The following CC2D1A variants were observed in gnomAD, a reference collection of about 807,000 sequenced individuals.
CC2D1A encodes coiled-coil and C2 domain containing 1A, also known as coiled-coil and C2 domain-containing protein 1A.
Under a neutral mutation model 123.8 loss-of-function variants are expected in CC2D1A, and 68 were observed. The observed-to-expected ratio is 0.55, with a 90% CI of 0.45 to 0.67. The LOEUF is 0.67. Ranked by LOEUF, CC2D1A falls within the 30% of genes least tolerant of loss-of-function variation. The probability of loss-of-function intolerance (pLI) is 0.00; values close to 1 mark genes in which losing one functional copy is unlikely to be tolerated. For synonymous variants in CC2D1A, 477 were observed against 528.0 expected, an observed-to-expected ratio of 0.90 and a Z score of 1.32; for missense variants, 1,185 against 1,290.3, an observed-to-expected ratio of 0.92 and a Z score of 1.25.
rs1413915499 is a variant in CC2D1A, at chr19:13,906,519, G to T, written c.60+18G>T. On this transcript the variant is annotated intron_variant, in intron 1 of 28. Coordinates refer to ENST00000318003, the MANE Select transcript of CC2D1A (RefSeq NM_017721.5). The surrounding 1 kb of genome is among the most constrained non-coding windows in gnomAD (Gnocchi z 4.1). Reference sequence around the variant, plus strand: ...CCCGCCAGGTGAGTTTGCGCCCCACGGCCCGACCTGGGGATCCCTCCCCAC... The same window carrying T: ...CCCGCCAGGTGAGTTTGCGCCCCACTGCCCGACCTGGGGATCCCTCCCCAC... 1.4e-6 allele frequency: 2 copies of T among 1,466,100 alleles called. No individual in the cohort carries two copies. The highest frequency in any genetic ancestry group is 1.8e-6 in the Non-Finnish European group (2 of 1,111,836). The allele number at this position is 1,466,100 out of a possible 1,614,324, so 90.8% of individuals were successfully genotyped here. A position where few individuals can be genotyped will look rare whatever the true frequency, so the allele number is the denominator to read the frequency against.
chr19:13,923,873 G>T lies in CC2D1A; in HGVS notation c.1940+62G>T. ...AGTGGCCCTTTGGTGGCGGTGGGGC[G>T]GGTTGTGCTCCCCAGAAGCTGGCAC... On this transcript the variant is annotated intron_variant, in intron 17 of 28. Coordinates refer to ENST00000318003, the MANE Select transcript of CC2D1A (RefSeq NM_017721.5). This position sits in a 1 kb window ranked among gnomAD's most constrained non-coding sequence, Gnocchi z 5.3. 1.6e-6 allele frequency: 2 copies of T among 1,265,420 alleles called. No individual in the cohort carries two copies. The highest frequency in any genetic ancestry group is 1.5e-5 in the African/African-American group (1 of 68,100). The allele number at this position is 1,265,420 out of a possible 1,614,324, so 78.4% of individuals were successfully genotyped here.
chr19:13,918,418 G>T, intron 7 of CC2D1A, 86 bp from the exon 8 acceptor site: 1 of 1,327,686 alleles, frequency 7.5e-7, no homozygotes, highest in South Asian at 1.4e-5. Context: ...AGAAGTCCTC[G>T]GTGGCATGGA....
Position 13,923,349 on chromosome 19 carries a change from T to G in CC2D1A, c.1658T>G (p.Val553Gly). Reference protein sequence around the residue: ...VDITKVPPAPVNKDDFALVQR... With the variant: ...VDITKVPPAPGNKDDFALVQR... ...CCTCCCCAGGTGCCGCCTGCCCCTG[T>G]CAACAAGGACGACTTTGCCCTGGTC... Residue 553 changes from valine to glycine, a missense_variant, in exon 15 of 29, where the codon GTC (valine) becomes GGC (glycine). By Grantham distance (109) the Val-to-Gly change is moderately radical (BLOSUM62 -3). Coordinates refer to ENST00000318003, the MANE Select transcript of CC2D1A (RefSeq NM_017721.5). The surrounding 1 kb of genome is among the most constrained non-coding windows in gnomAD (Gnocchi z 5.3). 1 of 1,609,108 alleles carries G rather than the reference T, an allele frequency of 6.2e-7. No homozygotes were observed. Among genetic ancestry groups the G allele is most frequent in the South Asian group, 1.1e-5 (1 of 91,020 alleles).
At chr19:13,912,748 G>A (rs1167541975) in intron 4 of CC2D1A, among the ~76,000 whole-genome samples, 155 bp downstream of exon 4, 1 of 152,162 alleles carries the variant, frequency 6.6e-6, no homozygotes, top group African/African-American at 2.4e-5. Context: ...TGCCTCCCAG[G>A]TTCAAGGGAT....
chr19:13,927,352 A>G (rs1486737577), intron 22 of CC2D1A, 87 bp downstream of exon 22: 4 of 1,153,412 alleles, frequency 3.5e-6, no homozygotes, highest in African/African-American at 1.5e-5. Flanking sequence ...TGAGCCCTCT[A>G]TGAGCCTGTC....
chr19:13,917,315 A>T (rs998423993), intron 6 of CC2D1A, among the ~76,000 whole-genome samples: 32 of 152,080 alleles, frequency 2.1e-4, no homozygotes, highest in Non-Finnish European at 4.3e-4. Flanking sequence ...ACAAAAAAAA[A>T]TAAAAAACCA....
chr19:13,930,108 A>G lies in CC2D1A; in HGVS notation c.2741A>G (p.Gln914Arg). 1 of 1,611,544 alleles carries G rather than the reference A, an allele frequency of 6.2e-7. No individual in the cohort carries two copies. Among genetic ancestry groups the G allele is most frequent in the Non-Finnish European group, 8.5e-7 (1 of 1,179,262 alleles). Residue 914 changes from glutamine to arginine, a missense_variant, in exon 27 of 29, where the codon CAG becomes CGG. By Grantham distance (43) the Gln-to-Arg change is conservative (BLOSUM62 1). Coordinates refer to ENST00000318003, the MANE Select transcript of CC2D1A (RefSeq NM_017721.5). This position sits in a 1 kb window ranked among gnomAD's most constrained non-coding sequence, Gnocchi z 6.8. ...GCAGCCCAGCTGGAGCGGCAGCTGC[A>G]GTTCTACACGGAGGCTGCCCGGCGC... ...EYAAQLERQLQFYTEAARRLG... is the reference protein window; with the variant it reads ...EYAAQLERQLRFYTEAARRLG...
chr19:13,921,249 A>G (rs966129376), intron 14 of CC2D1A, among the ~76,000 whole-genome samples: 18 of 152,344 alleles, frequency 1.2e-4, no homozygotes, highest in African/African-American at 4.3e-4. Flanking sequence ...CAGAGCTAGT[A>G]GTCCCTTTTA....
At chr19:13,907,091 G>A (rs572547091) in intron 1 of CC2D1A, among the ~76,000 whole-genome samples, 3 of 152,258 alleles carry the variant, frequency 2.0e-5, no homozygotes, top group African/African-American at 7.2e-5. Context: ...CTGTACATCG[G>A]ACACTTGACT....
Position 13,913,474 on chromosome 19 carries a change from T to G in CC2D1A, c.584T>G (p.Val195Gly). 1 of 1,614,214 alleles carries G rather than the reference T, an allele frequency of 6.2e-7. No individual in the cohort carries two copies. The highest frequency in any genetic ancestry group is 8.5e-7 in the Non-Finnish European group (1 of 1,180,044). Residue 195 changes from valine (V) to glycine (G), a missense_variant, in exon 6 of 29, where the codon GTG (valine) becomes GGG (glycine). By Grantham distance (109) the Val-to-Gly change is moderately radical (BLOSUM62 -3). Coordinates refer to ENST00000318003, the MANE Select transcript of CC2D1A (RefSeq NM_017721.5). Reference protein sequence around the residue: ...AIDEADIPPPVAIGKGPASTP... With the variant: ...AIDEADIPPPGAIGKGPASTP... ...GACGAAGCGGACATCCCGCCGCCAG[T>G]GGCCATAGGAAAAGGCCCGGCGTCC...
In CC2D1A at chr19:13,930,104, C is replaced by T; in HGVS notation, c.2737C>T (p.Leu913=). ...ATACGCAGCCCAGCTGGAGCGGCAG[C>T]TGCAGTTCTACACGGAGGCTGCCCG... The part of the protein sequence containing the change: ...REYAAQLERQ[L]QFYTEAARRL... The change falls in exon 27 of 29, where the codon CTG becomes TTG. Residue 913 remains leucine, a synonymous_variant. Transcript: ENST00000318003. The surrounding 1 kb of genome is among the most constrained non-coding windows in gnomAD (Gnocchi z 6.8). The T allele has an allele frequency of 6.2e-7, 1 of 1,611,500 alleles. No homozygotes were observed.
intron 6 of CC2D1A, among the ~76,000 whole-genome samples, chr19:13,916,296 G>A (rs1971204662): frequency 6.6e-6 from 1 of 151,898 alleles, no homozygotes; most frequent in Non-Finnish European, 1.5e-5. Context: ...TGGGTGTGGT[G>A]GCTCACACCT....
At position 13,918,732 on chromosome 19, in the gene CC2D1A, C is replaced by T; in HGVS notation, c.947-14C>T. ...TAACAAGCCCCTCATTGGCCTGGAC[C>T]TCTCTGTCCCCAGACCAGCTGCCCC... On this transcript the variant is annotated splice_polypyrimidine_tract_variant and intron_variant, in intron 8 of 28. Coordinates refer to ENST00000318003, the MANE Select transcript of CC2D1A (RefSeq NM_017721.5). 1 of 1,608,152 alleles carries T rather than the reference C, an allele frequency of 6.2e-7. No individual in the cohort carries two copies. The highest frequency in any genetic ancestry group is 8.5e-7 in the Non-Finnish European group (1 of 1,176,958).
chr19:13,926,470 G>T, intron 17 of CC2D1A, 47 bp from the exon 18 acceptor site: 1 of 1,568,580 alleles, frequency 6.4e-7, no homozygotes, highest in East Asian at 2.3e-5. Flanking sequence ...GGACTGAGGT[G>T]CCTCTGTTTC....
chr19:13,929,659 G>A lies in CC2D1A; in HGVS notation c.2709G>A (p.Arg903=). The A allele has an allele frequency of 6.5e-7, 1 of 1,541,836 alleles. No individual in the cohort carries two copies. The highest frequency in any genetic ancestry group is 8.7e-7 in the Non-Finnish European group (1 of 1,146,598). Residue 903 remains arginine, a splice_region_variant and synonymous_variant, in exon 26 of 29, where the codon CGG becomes CGA. Coordinates refer to ENST00000318003, the MANE Select transcript of CC2D1A (RefSeq NM_017721.5). ...QLEQGGVGIR[R]EYAAQLERQL... ...AGCAGGGGGGTGTGGGCATCCGACGGGGTAGGGGTTTGGAGATGGGCATCT... is the reference window on the plus strand; with the variant it reads ...AGCAGGGGGGTGTGGGCATCCGACGAGGTAGGGGTTTGGAGATGGGCATCT...
intron 2 of CC2D1A, 122 bp downstream of exon 2, chr19:13,910,080 C>A: frequency 1.0e-6 from 1 of 986,786 alleles, no homozygotes; most frequent in Non-Finnish European, 1.4e-6. Context: ...TCTCCTGGAG[C>A]CAATGATCTG....
chr19:13,918,670 C>T lies in CC2D1A; in HGVS notation c.947-76C>T, dbSNP rs1380394482. The T allele has an allele frequency of 5.7e-6, 9 of 1,574,650 alleles. No individual in the cohort carries two copies. The Admixed American group carries it at 1.2e-4, about 21-fold the overall frequency. On this transcript the variant is annotated intron_variant, in intron 8 of 28. Coordinates refer to ENST00000318003, the MANE Select transcript of CC2D1A (RefSeq NM_017721.5). ...CACCCCTGTTGGTCAGGCCCAGAGA[C>T]CACCCTCAGGCCAGACCAGCTTGTC...
rs753953933 is a variant in CC2D1A, at chr19:13,920,621, G to T, written c.1421G>T (p.Gly474Val). Residue 474 changes from glycine to valine, a missense_variant, in exon 13 of 29, where the codon GGA becomes GTA. Gly to Val is a moderately radical substitution (Grantham distance 109). Transcript: ENST00000318003. ...CCACCCTCAAGAACTCCCCAGTCGG[G>T]ATCAGCCCCAACAGCCAAAGCGCCC... is the stretch of plus-strand genomic sequence containing the variant. ...KAPPSRTPQS[G>V]SAPTAKAPPK... The T allele has an allele frequency of 6.2e-7, 1 of 1,611,340 alleles. No homozygotes were observed. The highest frequency in any genetic ancestry group is 1.1e-5 in the South Asian group (1 of 90,698).
In CC2D1A at chr19:13,926,818, T is replaced by C. The variant is rs756043672; in HGVS notation, c.2074-3T>C. 8.7e-6 allele frequency: 14 copies of C among 1,613,836 alleles called. No homozygotes were observed. The highest frequency in any genetic ancestry group is 1.2e-5 in the Non-Finnish European group (14 of 1,179,986). On this transcript the variant is annotated splice_polypyrimidine_tract_variant and splice_region_variant and intron_variant, in intron 19 of 28. Transcript: ENST00000318003. The stretch of plus-strand genomic sequence containing the variant: ...AGATTTCCTGCCTCCTCTCTGGTCA[T>C]AGGAAGAAGCTCAGAAAGACAAGAC...
Sources: gnomAD v4.1 joint callset for allele counts (sites outside exome capture counted in the v4.1 genomes callset) on GRCh38, gnomAD v4.1.1 for gene constraint, Gnocchi (gnomAD v3.1) non-coding constraint, MANE v1.5 for transcripts, NCBI Gene and HGNC (gene_info 2026-07-23, HGNC 2026-07-21) for gene names.